Variants in FLCN observed in about 807,000 individuals in gnomAD.
FLCN encodes BHD skin lesion fibrofolliculoma protein.
In FLCN, 22 loss-of-function variants were observed where a neutral mutation model predicts 62.5. That is an observed-to-expected ratio of 0.35 (90% CI 0.25 to 0.50). The LOEUF is 0.50. Among genes scored for constraint, FLCN ranks in the 20% least tolerant of loss-of-function variants. The pLI is 0.97. For synonymous variants in FLCN, 319 were observed against 310.0 expected, an observed-to-expected ratio of 1.03 and a Z score of -0.30; for missense variants, 657 against 778.0, an observed-to-expected ratio of 0.84 and a Z score of 1.85.
chr17:17,236,060 G>C (rs1273765819), intron 1 of FLCN: 2 of 152,110 alleles, frequency 1.3e-5, no homozygotes, highest in Non-Finnish European at 2.9e-5. Flanking sequence ...GAATTAAAGA[G>C]GCCACTAAGT....
rs767671406 is a variant in FLCN, at chr17:17,216,505, TGAG to T, written c.1177-5_1177-3del. ...GACGCAGCCCACGGGAAGCATGGTC[TGAG>T]GAGGACAGCAGGACTCAGACCAAGG... On this transcript the variant is annotated splice_polypyrimidine_tract_variant and splice_region_variant and intron_variant, in intron 10 of 13. Transcript: ENST00000285071. This position sits in a 1 kb window ranked among gnomAD's most constrained non-coding sequence, Gnocchi z 4.0. 7 of 1,613,730 alleles carry T rather than the reference TGAG, an allele frequency of 4.3e-6. No homozygotes were observed. The highest frequency in any genetic ancestry group is 1.1e-5 in the South Asian group (1 of 91,074).
chr17:17,215,906 C>T (rs1346030428), intron 11 of FLCN, among the ~76,000 whole-genome samples: 1 of 152,154 alleles, frequency 6.6e-6, no homozygotes, highest in Non-Finnish European at 1.5e-5. Flanking sequence ...CAGGGGTTTG[C>T]TGAGCCCTGA....
chr17:17,222,774 A>C, intron 6 of FLCN, 113 bp from the exon 7 acceptor site: 1 of 1,255,672 alleles, frequency 8.0e-7, no homozygotes, highest in Non-Finnish European at 1.1e-6. Context: ...CAGTCCCACT[A>C]TACTCTCTCC....
intron 6 of FLCN, 50 bp from the exon 7 acceptor site, chr17:17,222,711 G>T (rs1194508197): frequency 6.2e-7 from 1 of 1,612,582 alleles, no homozygotes; most frequent in Non-Finnish European, 8.5e-7. Context: ...GCTGCCAGCA[G>T]CTCGGACCCC....
At chr17:17,220,115 G>A (rs562435615) in intron 8 of FLCN, 1 of 152,316 alleles carries the variant, frequency 6.6e-6, no homozygotes, top group African/African-American at 2.4e-5. Flanking sequence ...GCACGATCAC[G>A]GCTTACTGCA....
At chr17:17,221,482 G>T in intron 8 of FLCN, 55 bp downstream of exon 8, 1 of 1,613,974 alleles carries the variant, frequency 6.2e-7, no homozygotes, top group Non-Finnish European at 8.5e-7. Flanking sequence ...CAGACAGCTG[G>T]TACCGCCCCA....
At chr17:17,228,563 G>A in intron 3 of FLCN, 22 of 218,522 alleles carry the variant, frequency 1.0e-4, no homozygotes, top group South Asian at 4.7e-4. Flanking sequence ...TATCTGCTTG[G>A]CACCTGCTCC....
intron 5 of FLCN, chr17:17,224,966 G>A (rs1398883825): frequency 6.5e-6 from 1 of 152,790 alleles, no homozygotes; most frequent in Non-Finnish European, 1.5e-5. Flanking sequence ...ATTAAAAGGA[G>A]AGGACAGTTG....
chr17:17,220,956 G>A (rs1210831704), intron 8 of FLCN: 2 of 363,440 alleles, frequency 5.5e-6, no homozygotes, highest in Admixed American at 4.4e-5. Flanking sequence ...GACATGTGGT[G>A]TGGAACAATG....
intron 8 of FLCN, chr17:17,219,909 G>A (rs190568207): frequency 1.2e-3 from 184 of 152,356 alleles, no homozygotes; most frequent in Non-Finnish European, 1.9e-3. Context: ...GCTAAAGTTT[G>A]GGCTTCTATG....
At chr17:17,236,785 T>A (rs898030125) in intron 1 of FLCN, 127 bp downstream of exon 1, 1 of 152,162 alleles carries the variant, frequency 6.6e-6, no homozygotes, top group Non-Finnish European at 1.5e-5. Flanking sequence ...CCCCAACCTA[T>A]CTTCAAATCT....
chr17:17,228,708 TG>T (rs1213790098), intron 3 of FLCN: 6 of 169,906 alleles, frequency 3.5e-5, no homozygotes, highest in Admixed American at 2.7e-4. Flanking sequence ...GGCAGGAGCC[TG>T]GAAGGACTGG....
rs886052660 is a variant in FLCN, at chr17:17,213,365, G to T, written c.*290C>A. 4 of 543,334 alleles carry T rather than the reference G, an allele frequency of 7.4e-6. No homozygotes were observed. Among genetic ancestry groups the T allele is most frequent in the Non-Finnish European group, 1.3e-5 (4 of 299,906 alleles). 33.7% of individuals were successfully genotyped at this position (543,334 alleles called of 1,614,324 possible). ...GAGTCTAAGTCCACAAGGGGCCTGG[G>T]AGGCAAGCTGTCCTCCTAGTCGTCT... On this transcript the variant is annotated 3_prime_UTR_variant, in exon 14 of 14. Transcript: ENST00000285071.
rs1238615374 is a variant in FLCN, at chr17:17,213,759, T to C, written c.1636A>G (p.Asn546Asp). The change falls in exon 14 of 14, where the codon AAT becomes GAT. Residue 546 changes from asparagine (N) to aspartate (D), a missense_variant. Coordinates refer to ENST00000285071, the MANE Select transcript of FLCN (RefSeq NM_144997.7). Reference sequence around the variant, plus strand: ...ATCCAGAACTTCAGCAGCTTGACATTGTCCTCCTCGGACGCACCCAGGATG... The same window carrying C: ...ATCCAGAACTTCAGCAGCTTGACATCGTCCTCCTCGGACGCACCCAGGATG... ...LSILGASEEDNVKLLKFWMTG... is the reference protein window; with the variant it reads ...LSILGASEEDDVKLLKFWMTG... The C allele has an allele frequency of 1.2e-6, 2 of 1,614,252 alleles. No individual in the cohort carries two copies. The highest frequency in any genetic ancestry group is 1.7e-5 in the Admixed American group (1 of 60,028).
rs1357220024 is a variant in FLCN, at chr17:17,216,574, A to G, written c.1177-71T>C. 1 of 1,601,034 alleles carries G rather than the reference A, an allele frequency of 6.2e-7. No individual in the cohort carries two copies. Among genetic ancestry groups the G allele is most frequent in the East Asian group, 2.3e-5 (1 of 44,366 alleles). ...CAGCCCCGGCCATCCATGCTCTACTACCCAAACCCCACACGCCTCCTGCAG... is the reference window on the plus strand; with the variant it reads ...CAGCCCCGGCCATCCATGCTCTACTGCCCAAACCCCACACGCCTCCTGCAG... On this transcript the variant is annotated intron_variant, in intron 10 of 13. Coordinates refer to ENST00000285071, the MANE Select transcript of FLCN (RefSeq NM_144997.7). The surrounding 1 kb of genome is among the most constrained non-coding windows in gnomAD (Gnocchi z 4.0).
Position 17,222,599 on chromosome 17 carries a change from C to CGT in FLCN, c.679_680dup (p.Pro228ArgfsTer15). ...TGCCGTTCCTCTGGTGTAGGAATGG[C>CGT]GTGAAGGCTGTGTTCATCCTCTGAG... is the stretch of plus-strand genomic sequence containing the variant. On this transcript the variant is annotated frameshift_variant, in exon 7 of 14. Transcript: ENST00000285071. LOFTEE classifies it high-confidence loss of function. 6.2e-7 allele frequency: 1 copy of CGT among 1,614,074 alleles called. No individual in the cohort carries two copies.
rs767479616 is a variant in FLCN at position 17,213,727 on chromosome 17, G to GT, written c.1667_1668insA (p.Leu557ProfsTer45). The stretch of plus-strand genomic sequence containing the variant: ...GGTGTGACTTGTAGGTCTTGCTCAG[G>GT]CCAGTCATCCAGAACTTCAGCAGCT... On this transcript the variant is annotated frameshift_variant, in exon 14 of 14. Transcript: ENST00000285071. LOFTEE classifies it high-confidence loss of function. 6.2e-7 allele frequency: 1 copy of GT among 1,614,218 alleles called. No individual in the cohort carries two copies. The highest frequency in any genetic ancestry group is 1.1e-5 in the South Asian group (1 of 91,080).
intron 3 of FLCN, among the ~76,000 whole-genome samples, chr17:17,230,002 G>A (rs1046143245): frequency 2.0e-5 from 3 of 152,176 alleles, no homozygotes; most frequent in Non-Finnish European, 4.4e-5. Context: ...CCTTCCTAAC[G>A]AATGCAGGAA....
chr17:17,216,485 A>G lies in FLCN; in HGVS notation c.1195T>C (p.Cys399Arg). The G allele has an allele frequency of 1.2e-6, 2 of 1,613,862 alleles. No homozygotes were observed. Among genetic ancestry groups the G allele is most frequent in the Non-Finnish European group, 1.7e-6 (2 of 1,179,920 alleles). The change falls in exon 11 of 14, where the codon TGC becomes CGC. Residue 399 changes from cysteine (C) to arginine (R), a missense_variant. Physicochemically the swap from Cys to Arg is radical, Grantham distance 180 (BLOSUM62 -3). Transcript: ENST00000285071. This position sits in a 1 kb window ranked among gnomAD's most constrained non-coding sequence, Gnocchi z 4.0. ...CTGCTGTATGGGATGATGCGGACGC[A>G]GCCCACGGGAAGCATGGTCTGAGGA... Reference protein sequence around the residue: ...EVLRTMLPVGCVRIIPYSSQY... With the variant: ...EVLRTMLPVGRVRIIPYSSQY...
Sources: gnomAD v4.1 joint callset for allele counts (sites outside exome capture counted in the v4.1 genomes callset) on GRCh38, gnomAD v4.1.1 for gene constraint, Gnocchi (gnomAD v3.1) non-coding constraint, MANE v1.5 for transcripts, NCBI Gene and HGNC (gene_info 2026-07-23, HGNC 2026-07-21) for gene names.